The following ARID1B variants were observed in gnomAD, a reference collection of about 807,000 sequenced individuals.
The protein encoded by ARID1B is AT-rich interactive domain-containing protein 1B.
ARID1B carries 30 observed loss-of-function variants against 212.3 expected under a neutral mutation model. That is an observed-to-expected ratio of 0.14 (90% CI 0.11 to 0.19). The LOEUF is 0.19. ARID1B is among the 10% of genes least tolerant of loss of function. The pLI, the probability that ARID1B is intolerant of heterozygous loss-of-function variation, is 1.00. For synonymous variants in ARID1B, 1,402 were observed against 1,301.7 expected (o/e 1.08, Z -1.66); for missense variants, 2,891 against 3,204.0 (o/e 0.90, Z 2.36).
chr6:156,954,681 T>G (rs1793832349), intron 4 of ARID1B, among the ~76,000 whole-genome samples: 1 of 152,206 alleles, frequency 6.6e-6, no homozygotes, highest in Non-Finnish European at 1.5e-5. Flanking sequence ...TTTTTTTAAA[T>G]CCTGGTTCTA....
At chr6:156,969,849 C>A (rs1163610810) in intron 4 of ARID1B, among the ~76,000 whole-genome samples, 4 of 149,942 alleles carry the variant, frequency 2.7e-5, no homozygotes, top group African/African-American at 9.7e-5. Flanking sequence ...TCAATAATTT[C>A]AATTTGTTTT....
chr6:157,158,677 C>T (rs1032540779), intron 8 of ARID1B, among the ~76,000 whole-genome samples: 6 of 152,164 alleles, frequency 3.9e-5, no homozygotes, highest in Admixed American at 2.6e-4. Context: ...TGTGGCTCCT[C>T]GGCAGCTAAG....
At chr6:156,917,931 A>G (rs184838093) in intron 3 of ARID1B, among the ~76,000 whole-genome samples, 49 of 152,242 alleles carry the variant, frequency 3.2e-4, no homozygotes, top group African/African-American at 5.3e-4. Flanking sequence ...TTGGTCAGCA[A>G]TTTTTAAAAG....
chr6:156,960,754 T>G (rs1794316436), intron 4 of ARID1B, among the ~76,000 whole-genome samples: 1 of 152,172 alleles, frequency 6.6e-6, no homozygotes, highest in African/African-American at 2.4e-5. Context: ...AGAATATGAT[T>G]CAGATAGAGG....
At chr6:157,120,305 C>A (rs919039772) in intron 6 of ARID1B, among the ~76,000 whole-genome samples, 4 of 152,158 alleles carry the variant, frequency 2.6e-5, no homozygotes, top group African/African-American at 9.7e-5. Flanking sequence ...GTTGCAGGAC[C>A]AGTCAGTAGC....
In ARID1B at chr6:157,200,753, C is replaced by T. The variant is rs1383243530; in HGVS notation, c.4528C>T (p.His1510Tyr). ...DGMYGPPAKR[H>Y]EGDMYNMQYS... ...CATGTACGGGCCCCCAGCCAAGCGC[C>T]ACGAGGGCGACATGTACAACATGCA... The change falls in exon 18 of 20, where the codon CAC (histidine) becomes TAC (tyrosine). Residue 1510 changes from histidine to tyrosine, a missense_variant. His to Tyr is a moderately conservative substitution (Grantham distance 83). Around this residue, in one of 7 missense-constraint regions of ARID1B, gnomAD observed 666 missense variants for 873.5 expected, o/e 0.76. Coordinates refer to ENST00000636930, the MANE Select transcript of ARID1B (RefSeq NM_001374828.1). This position sits in a 1 kb window ranked among gnomAD's most constrained non-coding sequence, Gnocchi z 4.3. 2 of 1,613,722 alleles carry T rather than the reference C, an allele frequency of 1.2e-6. No homozygotes were observed. Among genetic ancestry groups the T allele is most frequent in the Admixed American group, 1.7e-5 (1 of 59,938 alleles).
chr6:157,026,241 A>T (rs575868534), intron 4 of ARID1B, among the ~76,000 whole-genome samples: 1 of 151,866 alleles, frequency 6.6e-6, no homozygotes, highest in East Asian at 1.9e-4. Flanking sequence ...CTCTCCTTTG[A>T]CTCCAATGTT....
intron 16 of ARID1B, among the ~76,000 whole-genome samples, chr6:157,196,861 C>T (rs1793764412): frequency 6.6e-6 from 1 of 152,232 alleles, no homozygotes; most frequent in South Asian, 2.1e-4. Context: ...AAACCCACAG[C>T]ACAGGCCTCA....
At chr6:156,811,072 G>A (rs1465305070) in intron 1 of ARID1B, among the ~76,000 whole-genome samples, 2 of 152,050 alleles carry the variant, frequency 1.3e-5, no homozygotes, top group African/African-American at 4.8e-5. Flanking sequence ...ATTTCCTGGT[G>A]GCTGTAGAAT....
intron 4 of ARID1B, chr6:157,024,863 A>G (rs1040696143): frequency 6.6e-6 from 1 of 152,230 alleles, no homozygotes; most frequent in African/African-American, 2.4e-5. Flanking sequence ...AAGGAACTTC[A>G]TGGTGTAGTT....
At chr6:156,967,289 A>T (rs1271154772) in intron 4 of ARID1B, among the ~76,000 whole-genome samples, 1 of 152,246 alleles carries the variant, frequency 6.6e-6, no homozygotes, top group East Asian at 1.9e-4. Context: ...ACATACATAC[A>T]CATATCCACA....
intron 4 of ARID1B, among the ~76,000 whole-genome samples, chr6:157,046,238 G>A (rs538318927): frequency 5.9e-5 from 9 of 152,254 alleles, no homozygotes; most frequent in Admixed American, 2.0e-4. Flanking sequence ...GAATACACAA[G>A]TCTAAAACTC....
chr6:157,019,582 C>G (rs979050717), intron 4 of ARID1B, among the ~76,000 whole-genome samples: 18 of 152,226 alleles, frequency 1.2e-4, no homozygotes, highest in Non-Finnish European at 1.0e-4. Context: ...TGTAAAATTT[C>G]TAGCCTGGTG....
At position 157,090,525 on chromosome 6, in the gene ARID1B, C is replaced by T. The variant is rs369907590; in HGVS notation, c.2491+5620C>T. Among the ~76,000 whole-genome samples the T allele has an allele frequency of 5.3e-5, 8 of 152,362 alleles. No individual in the cohort carries two copies. The South Asian group carries it at 1.7e-3, about 32-fold the overall frequency. The stretch of plus-strand genomic sequence containing the variant: ...ACAAAATTAGGTCTTCACGCTAGCA[C>T]ATAATGAGTAGCTGTTTGTTTCATG... On this transcript the variant is annotated intron_variant, in intron 5 of 19. Coordinates refer to ENST00000636930, the MANE Select transcript of ARID1B (RefSeq NM_001374828.1).
intron 4 of ARID1B, among the ~76,000 whole-genome samples, chr6:157,048,328 A>G (rs1465409943): frequency 6.6e-6 from 1 of 152,254 alleles, no homozygotes; most frequent in African/African-American, 2.4e-5. Flanking sequence ...TATCACTGAT[A>G]AATACTTGTA....
intron 4 of ARID1B, among the ~76,000 whole-genome samples, chr6:157,020,528 C>G (rs1389892023): frequency 6.6e-6 from 1 of 152,140 alleles, no homozygotes; most frequent in Admixed American, 6.5e-5. Context: ...GCTTTAGCCA[C>G]TAGGCATGTG....
chr6:156,835,645 A>G (rs1034148497), intron 2 of ARID1B, among the ~76,000 whole-genome samples: 2 of 152,262 alleles, frequency 1.3e-5, no homozygotes, highest in Non-Finnish European at 2.9e-5. Context: ...TGTCATGTAC[A>G]CATGAGTTCC....
intron 7 of ARID1B, among the ~76,000 whole-genome samples, chr6:157,146,392 C>T (rs1030597997): frequency 6.6e-6 from 1 of 152,158 alleles, no homozygotes; most frequent in African/African-American, 2.4e-5. Context: ...AGTGCAGAGG[C>T]TCACCCAGCT....
At chr6:156,938,946 G>T (rs1252279847) in intron 4 of ARID1B, 1 of 152,152 alleles carries the variant, frequency 6.6e-6, no homozygotes. Flanking sequence ...GCAAATGATT[G>T]ATAAATTAAT....
Sources: allele counts gnomAD v4.1 joint callset (sites outside exome capture counted in the v4.1 genomes callset), GRCh38; gene constraint gnomAD v4.1.1; regional missense constraint gnomAD v4.1.1; non-coding constraint Gnocchi (gnomAD v3.1); transcripts MANE v1.5; gene names NCBI Gene and HGNC (gene_info 2026-07-23, HGNC 2026-07-21).